The following LIMS2 variants were observed in gnomAD, a reference collection of about 807,000 sequenced individuals.
LIMS2 encodes LIM and senescent cell antigen-like-containing domain protein 2.
In LIMS2, 30 loss-of-function variants were observed where a neutral mutation model predicts 45.3. The ratio of observed to expected loss-of-function variants is 0.66; its 90% confidence interval spans 0.50 to 0.90. The LOEUF is 0.90. LIMS2 is among the 40% of genes least tolerant of loss of function. The pLI is 0.00. For missense variants in LIMS2, 485 were observed against 468.7 expected (o/e 1.03, Z -0.32); for synonymous variants, 173 against 188.0 (o/e 0.92, Z 0.65).
intron 1 of LIMS2, among the ~76,000 whole-genome samples, chr2:127,661,751 T>G (rs1573830278): frequency 6.6e-6 from 1 of 152,222 alleles, no homozygotes; most frequent in African/African-American, 2.4e-5. Context: ...AAGATGTCCC[T>G]GAGTCTGAGG....
chr2:127,645,234 G>A (rs918886142), intron 4 of LIMS2, among the ~76,000 whole-genome samples: 3 of 152,192 alleles, frequency 2.0e-5, no homozygotes, highest in Non-Finnish European at 4.4e-5. Context: ...GCTGCACAGG[G>A]TGATGTGAAG....
upstream of LIMS2, among the ~76,000 whole-genome samples, chr2:127,679,675 T>A (rs897481254): frequency 6.6e-6 from 1 of 151,998 alleles, no homozygotes; most frequent in East Asian, 1.9e-4. The surrounding 1 kb of genome is among the most constrained non-coding windows in gnomAD (Gnocchi z 5.3). Context: ...CCAACGCTCG[T>A]GGGAGCTGGG....
Position 127,661,087 on chromosome 2 carries a change from G to A in LIMS2, c.12-3525C>T, listed in dbSNP as rs374916456. Among the ~76,000 whole-genome samples the A allele has an allele frequency of 2.8e-4, 43 of 152,346 alleles. No homozygotes were observed. In the East Asian group the frequency reaches 3.3e-3, roughly 12 times the overall value. On this transcript the variant is annotated intron_variant, in intron 1 of 9. Transcript: ENST00000355119. ...AGCATGCAGAGACAACGGAGACACA[G>A]CACCATGAGAGAACACGCTTCCTGA...
intron 4 of LIMS2, chr2:127,652,026 G>A (rs1371981111): frequency 5.8e-6 from 3 of 517,596 alleles, no homozygotes; most frequent in East Asian, 6.4e-5. Flanking sequence ...GAGGAGGCCG[G>A]AAGAACAACC....
chr2:127,663,827 A>C (rs1380256389), intron 1 of LIMS2, among the ~76,000 whole-genome samples: 1 of 152,026 alleles, frequency 6.6e-6, no homozygotes, highest in Admixed American at 6.5e-5. Flanking sequence ...CTCCACCACC[A>C]TCCCCGTGCC....
intron 1 of LIMS2, among the ~76,000 whole-genome samples, chr2:127,668,024 G>A (rs1033590309): frequency 8.5e-5 from 13 of 152,116 alleles, no homozygotes; most frequent in Admixed American, 3.3e-4. Flanking sequence ...TACCAGAATC[G>A]CTAGCAATGA....
At chr2:127,643,976 C>T (rs1345103810) in intron 4 of LIMS2, 2 of 447,638 alleles carry the variant, frequency 4.5e-6, no homozygotes, top group African/African-American at 4.0e-5. Flanking sequence ...GGAAGAGATC[C>T]AATCGCAGAC....
chr2:127,678,970 A>C (rs533172498), upstream of LIMS2, among the ~76,000 whole-genome samples: 27 of 152,206 alleles, frequency 1.8e-4, no homozygotes, highest in East Asian at 4.8e-3. The surrounding 1 kb of genome is among the most constrained non-coding windows in gnomAD (Gnocchi z 5.3). Context: ...ACCAGTCAGG[A>C]GCCCTCCAAG....
rs1156333603 is a variant in LIMS2 at position 127,671,953 on chromosome 2, G to A, written c.11+3061C>T. Among the ~76,000 whole-genome samples the A allele has an allele frequency of 6.6e-6, 1 of 152,192 alleles. No homozygotes were observed. Among genetic ancestry groups the A allele is most frequent in the Non-Finnish European group, 1.5e-5 (1 of 68,020 alleles). On this transcript the variant is annotated intron_variant, in intron 1 of 9. Transcript: ENST00000355119. The surrounding 1 kb of genome is among the most constrained non-coding windows in gnomAD (Gnocchi z 4.1). ...GACACCTTCTGCCTAGGGGACCACC[G>A]GGCACACTCCTCACCCGGAGGAGGG...
At position 127,642,229 on chromosome 2, in the gene LIMS2, C is replaced by T. The variant is rs750274936; in HGVS notation, c.510-30G>A. ...AAGACAGCGTGCAGCCCCCAGGTGC[C>T]ACCCCTGCCCTTCTGCAGGGTCATG... On this transcript the variant is annotated intron_variant, in intron 5 of 9. Transcript: ENST00000355119. This position sits in a 1 kb window ranked among gnomAD's most constrained non-coding sequence, Gnocchi z 5.3. 5.4e-6 allele frequency: 8 copies of T among 1,485,826 alleles called. No homozygotes were observed. Among genetic ancestry groups the T allele is most frequent in the Non-Finnish European group, 6.3e-6 (7 of 1,111,584 alleles). The allele number at this position is 1,485,826 out of a possible 1,614,324, so 92.0% of individuals were successfully genotyped here. A position where few individuals can be genotyped will look rare whatever the true frequency, so the allele number is the denominator to read the frequency against.
intron 4 of LIMS2, chr2:127,650,426 G>C (rs1683613750): frequency 1.8e-6 from 1 of 541,204 alleles, no homozygotes; most frequent in Admixed American, 3.4e-5. Flanking sequence ...CACTGACCCG[G>C]TCCTCCCAGC....
At chr2:127,650,408 C>T (rs753287826) in intron 4 of LIMS2, 46 of 532,042 alleles carry the variant, frequency 8.6e-5, no homozygotes, top group Middle Eastern at 4.9e-4. Flanking sequence ...TCCCATTCCC[C>T]GCCATGGCAC....
At chr2:127,673,753 AG>A in intron 1 of LIMS2, 1 of 1,551,098 alleles carries the variant, frequency 6.4e-7, no homozygotes, top group Non-Finnish European at 8.7e-7. Context: ...CCTAGAAAAC[AG>A]GAGAGTGAGA....
upstream of LIMS2, among the ~76,000 whole-genome samples, chr2:127,675,670 G>A (rs571779273): frequency 6.6e-6 from 1 of 152,250 alleles, no homozygotes; most frequent in Admixed American, 6.5e-5. Context: ...AACCGCAAAC[G>A]CGTGCAGGAG....
chr2:127,654,646 G>A, intron 3 of LIMS2, 102 bp from the exon 4 acceptor site: 2 of 1,565,068 alleles, frequency 1.3e-6, no homozygotes, highest in African/African-American at 1.3e-5. Flanking sequence ...CTCTCTGCCT[G>A]GCCCATGGGC....
chr2:127,680,158 C>A (rs1374859155), upstream of LIMS2, among the ~76,000 whole-genome samples: 1 of 152,236 alleles, frequency 6.6e-6, no homozygotes, highest in Non-Finnish European at 1.5e-5. Flanking sequence ...CGGGGGGGAG[C>A]GGGGAAGCAC....
At chr2:127,649,865 C>G in intron 4 of LIMS2, 1 of 690,784 alleles carries the variant, frequency 1.4e-6, no homozygotes, top group East Asian at 2.7e-5. Context: ...TGGCCAGTGT[C>G]TCTGACGCTG....
intron 4 of LIMS2, chr2:127,650,846 C>T (rs1192450575): frequency 6.2e-7 from 1 of 1,614,166 alleles, no homozygotes; most frequent in East Asian, 2.2e-5. Flanking sequence ...TCGCCTCCTT[C>T]TACCTTCTGG....
At position 127,664,589 on chromosome 2, in the gene LIMS2, A is replaced by T; in HGVS notation, c.12-7027T>A. ...GCAGCAGAGTCAACTCCAAATAGAA[A>T]GGATATTGTTCGCGCCGCGGGGGCA... On this transcript the variant is annotated intron_variant, in intron 1 of 9. Coordinates refer to ENST00000355119, the MANE Select transcript of LIMS2 (RefSeq NM_001161403.3). This position sits in a 1 kb window ranked among gnomAD's most constrained non-coding sequence, Gnocchi z 5.5. The T allele has an allele frequency of 8.8e-7, 1 of 1,136,292 alleles. No individual in the cohort carries two copies. Among genetic ancestry groups the T allele is most frequent in the African/African-American group, 1.6e-5 (1 of 61,078 alleles). 70.4% of individuals were successfully genotyped at this position (1,136,292 alleles called of 1,614,324 possible).
Sources: allele counts gnomAD v4.1 joint callset (sites outside exome capture counted in the v4.1 genomes callset), GRCh38; gene constraint gnomAD v4.1.1; non-coding constraint Gnocchi (gnomAD v3.1); transcripts MANE v1.5; gene names NCBI Gene and HGNC (gene_info 2026-07-23, HGNC 2026-07-21).